The following SH3D21 variants were observed in gnomAD, a reference collection of about 807,000 sequenced individuals.
The protein encoded by SH3D21 is manchette microtubule inner protein 1.
A neutral mutation model predicts 82.1 loss-of-function variants in SH3D21; 83 were observed. The ratio of observed to expected loss-of-function variants is 1.01; its 90% CI spans 0.85 to 1.21. SH3D21 has a LOEUF of 1.21. Ranked by LOEUF, SH3D21 falls within the 50% of genes most tolerant of loss-of-function variation. The probability of loss-of-function intolerance (pLI) is 0.00; values close to 1 mark genes in which losing one functional copy is unlikely to be tolerated. For synonymous variants in SH3D21, 383 were observed against 387.8 expected, an observed-to-expected ratio of 0.99 and a Z score of 0.15; for missense variants, 980 against 962.1, an observed-to-expected ratio of 1.02 and a Z score of -0.25.
chr1:36,313,341 A>ATAAATAAATAAG (rs1011446375), intron 10 of SH3D21, among the ~76,000 whole-genome samples: 6 of 151,290 alleles, frequency 4.0e-5, no homozygotes, highest in African/African-American at 1.2e-4. Flanking sequence ...AAATAAATAA[A>ATAAATAAATAAG]TAAATAAATA....
At chr1:36,326,202 G>A (rs944167586), downstream of SH3D21, among the ~76,000 whole-genome samples, 3 of 150,986 alleles carry the variant, frequency 2.0e-5, no homozygotes, top group Admixed American at 2.0e-4. Flanking sequence ...GGACTCGATG[G>A]CCTTGTTGAT....
chr1:36,322,851 A>G (rs1481603940), downstream of SH3D21: 8 of 1,501,416 alleles, frequency 5.3e-6, no homozygotes, highest in Non-Finnish European at 7.3e-6. Flanking sequence ...GCATTAGGGA[A>G]CCGCCAGCGG....
downstream of SH3D21, among the ~76,000 whole-genome samples, chr1:36,326,796 G>A (rs560133313): frequency 5.9e-5 from 9 of 152,338 alleles, no homozygotes; most frequent in Admixed American, 3.9e-4. Context: ...GAATGTGAGG[G>A]AGAGAGGAGT....
At chr1:36,311,704 T>C (rs1416576209) in intron 10 of SH3D21, among the ~76,000 whole-genome samples, 1 of 152,124 alleles carries the variant, frequency 6.6e-6, no homozygotes, top group Non-Finnish European at 1.5e-5. Context: ...GGTTTCTTTT[T>C]TTTTTGAGAA....
chr1:36,317,854 G>A (rs529907687), intron 10 of SH3D21, among the ~76,000 whole-genome samples: 364 of 152,300 alleles, frequency 2.4e-3, no homozygotes, highest in African/African-American at 8.1e-3. Context: ...GTGGGCCACC[G>A]CGCCTAGCCC....
At chr1:36,311,658 A>G (rs1442422530) in intron 10 of SH3D21, among the ~76,000 whole-genome samples, 1 of 151,614 alleles carries the variant, frequency 6.6e-6, no homozygotes, top group African/African-American at 2.4e-5. Flanking sequence ...AGCATCATTT[A>G]TTATTTTCTA....
In SH3D21 at chr1:36,320,102, C is replaced by T. The variant is rs770533480; in HGVS notation, c.1439C>T (p.Pro480Leu). Reference protein sequence around the residue: ...PKMAPLGDEAPTLEKVLTPEL... With the variant: ...PKMAPLGDEALTLEKVLTPEL... ...ATGGCCCCTCTGGGGGATGAGGCCC[C>T]CACTCTAGAAAAGGTCTTGACCCCA... The change falls in exon 14 of 16, where the codon CCC becomes CTC. Residue 480 changes from proline to leucine, a missense_variant. Coordinates refer to ENST00000453908, the MANE Select transcript of SH3D21 (RefSeq NM_001162530.2). 4.3e-6 allele frequency: 7 copies of T among 1,613,876 alleles called. No individual in the cohort carries two copies. The African/African-American group carries it at 9.3e-5, about 22-fold the overall frequency.
chr1:36,311,831 C>A (rs888374016), intron 10 of SH3D21, among the ~76,000 whole-genome samples: 2 of 151,818 alleles, frequency 1.3e-5, no homozygotes, highest in East Asian at 3.9e-4. Flanking sequence ...GTAGCTGGTA[C>A]TACAGGTACA....
At chr1:36,312,303 G>C (rs572337533) in intron 10 of SH3D21, among the ~76,000 whole-genome samples, 1 of 152,170 alleles carries the variant, frequency 6.6e-6, no homozygotes, top group Non-Finnish European at 1.5e-5. Flanking sequence ...GATTACAGGC[G>C]TGAGCCACCG....
Position 36,320,254 on chromosome 1 carries a change from C to T in SH3D21, c.1591C>T (p.His531Tyr), listed in dbSNP as rs2358728. 6.2e-3 allele frequency: 10,030 copies of T among 1,612,946 alleles called. 569 individuals carry two copies. The African/African-American group carries it at 0.12, about 19-fold the overall frequency. Reference protein sequence around the residue: ...KEDPSSQEEAHTPEAPPPQPP... With the variant: ...KEDPSSQEEAYTPEAPPPQPP... ...GGATCCATCATCCCAGGAGGAGGCC[C>T]ACACGCCAGAGGCACCCCCACCCCA... Residue 531 changes from histidine (H) to tyrosine (Y), a missense_variant, in exon 14 of 16, where the codon CAC becomes TAC. By Grantham distance (83) the His-to-Tyr change is moderately conservative (BLOSUM62 2). Transcript: ENST00000453908.
downstream of SH3D21, among the ~76,000 whole-genome samples, chr1:36,325,936 G>A (rs1646539164): frequency 6.6e-6 from 1 of 152,204 alleles, no homozygotes; most frequent in African/African-American, 2.4e-5. Context: ...AGAAACAATA[G>A]AAGATAATCT....
chr1:36,321,706 G>C (rs1028765926), downstream of SH3D21: 1 of 1,015,996 alleles, frequency 9.8e-7, no homozygotes, highest in Non-Finnish European at 1.2e-6. The surrounding 1 kb of genome is among the most constrained non-coding windows in gnomAD (Gnocchi z 6.1). Context: ...CTGAGGCCTG[G>C]TGTGTGTGTC....
rs1185289933 is a variant in SH3D21 at position 36,307,252 on chromosome 1, G to A, written c.312G>A (p.Leu104=). The A allele has an allele frequency of 1.5e-5, 23 of 1,551,732 alleles. No individual in the cohort carries two copies. The highest frequency in any genetic ancestry group is 2.7e-5 in the African/African-American group (2 of 73,068). ...YSPEQADELK[L]QAGEIVEMIK... ...CAGAGCAGGCGGACGAGCTGAAGCT[G>A]CAAGCTGGGGAGATCGTGGAAATGA... The change falls in exon 4 of 16, where the codon CTG becomes CTA. Residue 104 remains leucine (L), a synonymous_variant. Coordinates refer to ENST00000453908, the MANE Select transcript of SH3D21 (RefSeq NM_001162530.2). This position sits in a 1 kb window ranked among gnomAD's most constrained non-coding sequence, Gnocchi z 5.4.
At chr1:36,314,577 T>C (rs532062675) in intron 10 of SH3D21, among the ~76,000 whole-genome samples, 2 of 151,228 alleles carry the variant, frequency 1.3e-5, no homozygotes, top group African/African-American at 4.9e-5. Flanking sequence ...TGCCTCAGCC[T>C]CCCAAGTAGC....
At chr1:36,315,395 G>A (rs1194516973) in intron 10 of SH3D21, among the ~76,000 whole-genome samples, 1 of 152,024 alleles carries the variant, frequency 6.6e-6, no homozygotes, top group Non-Finnish European at 1.5e-5. Context: ...TGTCTCCCAG[G>A]CTGGAGTGTA....
Position 36,307,230 on chromosome 1 carries a change from A to G in SH3D21, c.290A>G (p.Glu97Gly), listed in dbSNP as rs1223757269. Residue 97 changes from glutamate (E) to glycine (G), a missense_variant, in exon 4 of 16, where the codon GAG becomes GGG. Transcript: ENST00000453908. The surrounding 1 kb of genome is among the most constrained non-coding windows in gnomAD (Gnocchi z 5.4). ...WCKVNFSYSPEQADELKLQAG... is the reference protein window; with the variant it reads ...WCKVNFSYSPGQADELKLQAG... Reference sequence around the variant, plus strand: ...AAAGTGAACTTCAGCTACAGCCCAGAGCAGGCGGACGAGCTGAAGCTGCAA... The same window carrying G: ...AAAGTGAACTTCAGCTACAGCCCAGGGCAGGCGGACGAGCTGAAGCTGCAA... 1 of 1,551,682 alleles carries G rather than the reference A, an allele frequency of 6.4e-7. No individual in the cohort carries two copies. The highest frequency in any genetic ancestry group is 2.4e-5 in the East Asian group (1 of 40,930).
chr1:36,330,068 GC>G (rs1371052416), downstream of SH3D21, among the ~76,000 whole-genome samples: 4 of 151,996 alleles, frequency 2.6e-5, no homozygotes, highest in Non-Finnish European at 5.9e-5. Context: ...ACCAAAGCTG[GC>G]AAAAACATCA....
In SH3D21 at chr1:36,319,911, AGAG is replaced by A; in HGVS notation, c.1249_1251del (p.Glu417del). ...CAGCTCCTGACAAAGTCCCCACCCC[AGAG>A]AAGATGGTGACTCCGGAGGACAAGG... On this transcript the variant is annotated inframe_deletion, in exon 14 of 16. Coordinates refer to ENST00000453908, the MANE Select transcript of SH3D21 (RefSeq NM_001162530.2). The A allele has an allele frequency of 6.2e-7, 1 of 1,614,054 alleles. No homozygotes were observed. The highest frequency in any genetic ancestry group is 1.1e-5 in the South Asian group (1 of 91,070).
At chr1:36,323,822 A>T (rs115990238), downstream of SH3D21, 1 of 152,240 alleles carries the variant, frequency 6.6e-6, no homozygotes, top group Non-Finnish European at 1.5e-5. Context: ...ACTAACAGCA[A>T]CAACAGAGAG....
Sources: allele counts gnomAD v4.1 joint callset (sites outside exome capture counted in the v4.1 genomes callset), GRCh38; gene constraint gnomAD v4.1.1; non-coding constraint Gnocchi (gnomAD v3.1); transcripts MANE v1.5; gene names NCBI Gene and HGNC (gene_info 2026-07-23, HGNC 2026-07-21).